ADGRB3: variants seen among roughly 807,000 people sequenced by gnomAD.
ADGRB3 encodes adhesion G protein-coupled receptor B3.
ADGRB3 carries 37 observed loss-of-function variants against 193.4 expected under a neutral mutation model. The ratio of observed to expected loss-of-function variants is 0.19; its 90% CI spans 0.15 to 0.25. The LOEUF is 0.25. Ranked by LOEUF, ADGRB3 falls within the 10% of genes least tolerant of loss-of-function variation. The pLI, the probability that ADGRB3 is intolerant of heterozygous loss-of-function variation, is 1.00. For synonymous variants in ADGRB3, 690 were observed against 644.2 expected (o/e 1.07, Z -1.08); for missense variants, 1,637 against 1,852.9 (o/e 0.88, Z 2.14).
Position 69,333,086 on chromosome 6 carries a change from G to C in ADGRB3, c.3188+78G>C. 2.1e-6 allele frequency: 3 copies of C among 1,463,026 alleles called. No individual in the cohort carries two copies. The South Asian group carries it at 3.7e-5, about 18-fold the overall frequency. 90.6% of individuals were successfully genotyped at this position (1,463,026 alleles called of 1,614,324 possible). A position where few individuals can be genotyped will look rare whatever the true frequency, so the allele number is the denominator to read the frequency against. On this transcript the variant is annotated intron_variant, in intron 24 of 31. Transcript: ENST00000370598. ...CCAATTTCAGACCATCACTGACTGC[G>C]TTTGACTCTGCCTTGAATTTTGTTA...
intron 7 of ADGRB3, 91 bp from the exon 8 acceptor site, chr6:68,956,554 A>G (rs1393743158): frequency 6.7e-7 from 1 of 1,485,302 alleles, no homozygotes; most frequent in South Asian, 1.2e-5. Flanking sequence ...GATTAACAAA[A>G]ATGGAAGGGG....
intron 10 of ADGRB3, among the ~76,000 whole-genome samples, chr6:68,984,947 TG>T (rs1769028893): frequency 1.3e-5 from 2 of 150,926 alleles, no homozygotes; most frequent in Admixed American, 6.6e-5. Context: ...TAGCTAAGAG[TG>T]AGGATTTAGG....
At chr6:68,776,579 T>C (rs1023853596) in intron 3 of ADGRB3, among the ~76,000 whole-genome samples, 5 of 152,168 alleles carry the variant, frequency 3.3e-5, no homozygotes, top group African/African-American at 1.2e-4. Flanking sequence ...AGAAGCCTGC[T>C]AACTGACATT....
At chr6:69,116,372 C>G (rs879517657) in intron 17 of ADGRB3, among the ~76,000 whole-genome samples, 1 of 152,180 alleles carries the variant, frequency 6.6e-6, no homozygotes, top group Admixed American at 6.5e-5. Flanking sequence ...CACCTGTTTT[C>G]ACCCCTAACC....
chr6:68,809,297 A>G (rs1767466422), intron 3 of ADGRB3, among the ~76,000 whole-genome samples: 1 of 152,210 alleles, frequency 6.6e-6, no homozygotes, highest in Non-Finnish European at 1.5e-5. Context: ...AAGTAATAAA[A>G]TAATTAAGGT....
Position 68,986,483 on chromosome 6 carries a change from A to C in ADGRB3, c.1735-7285A>C, listed in dbSNP as rs192833593. Among the ~76,000 whole-genome samples the C allele has an allele frequency of 3.3e-5, 5 of 152,310 alleles. No individual in the cohort carries two copies. The East Asian group carries it at 7.7e-4, about 23-fold the overall frequency. ...TCTGAGATGAACACAAACTCTTCGT[A>C]TCAAACATAGGGAAAATTAAGAAAT... On this transcript the variant is annotated intron_variant, in intron 10 of 31. Coordinates refer to ENST00000370598, the MANE Select transcript of ADGRB3 (RefSeq NM_001704.3).
intron 13 of ADGRB3, among the ~76,000 whole-genome samples, chr6:69,040,472 A>G (rs1321861370): frequency 1.3e-5 from 2 of 151,462 alleles, no homozygotes; most frequent in African/African-American, 4.9e-5. Context: ...GCATGCCAAT[A>G]AAACTTACAA....
chr6:69,159,529 A>G (rs1677822471), intron 17 of ADGRB3, among the ~76,000 whole-genome samples: 1 of 152,164 alleles, frequency 6.6e-6, no homozygotes, highest in Non-Finnish European at 1.5e-5. Context: ...CTAGTTGGAA[A>G]GAGAAATAAG....
intron 13 of ADGRB3, among the ~76,000 whole-genome samples, chr6:69,034,960 T>G (rs918566778): frequency 6.6e-6 from 1 of 152,094 alleles, no homozygotes; most frequent in Non-Finnish European, 1.5e-5. Context: ...ACCAAAATTA[T>G]TTTCTGAACT....
intron 13 of ADGRB3, among the ~76,000 whole-genome samples, chr6:69,031,022 T>G (rs1388074978): frequency 2.0e-5 from 2 of 97,742 alleles, no homozygotes; most frequent in African/African-American, 4.3e-5. Context: ...TTTCTTTTTT[T>G]TTTCCTCTTC....
intron 5 of ADGRB3, 38 bp from the exon 6 acceptor site, chr6:68,943,792 T>A: frequency 6.6e-7 from 1 of 1,526,164 alleles, no homozygotes; most frequent in Non-Finnish European, 8.9e-7. Context: ...ATTTTACTGC[T>A]CTGCTTTTGT....
intron 3 of ADGRB3, among the ~76,000 whole-genome samples, chr6:68,772,887 AAAAAAAAAT>A (rs1220237441): frequency 6.4e-3 from 307 of 48,216 alleles, no homozygotes; most frequent in East Asian, 0.039. Flanking sequence ...ACAAACAAAA[AAAAAAAAAT>A]ATATATATAT....
intron 11 of ADGRB3, among the ~76,000 whole-genome samples, chr6:69,008,395 G>T (rs183696026): frequency 6.6e-6 from 1 of 152,176 alleles, no homozygotes; most frequent in African/African-American, 2.4e-5. Flanking sequence ...ACCTTTCCTC[G>T]TTTTTTCATT....
intron 3 of ADGRB3, among the ~76,000 whole-genome samples, chr6:68,706,701 G>T (rs1765330754): frequency 6.6e-6 from 1 of 152,172 alleles, no homozygotes; most frequent in African/African-American, 2.4e-5. Context: ...GAATAAGTTT[G>T]GGACTTAATG....
chr6:69,232,709 C>G (rs1186024150), intron 17 of ADGRB3: 2 of 1,269,756 alleles, frequency 1.6e-6, no homozygotes, highest in Non-Finnish European at 2.2e-6. Context: ...CTGCTGCTTC[C>G]CGTTTCCAGG....
chr6:68,984,579 G>T (rs1019224494), intron 10 of ADGRB3, among the ~76,000 whole-genome samples: 1 of 152,054 alleles, frequency 6.6e-6, no homozygotes, highest in Non-Finnish European at 1.5e-5. Flanking sequence ...AGAAGAATAG[G>T]GTAGTAGTTA....
intron 17 of ADGRB3, among the ~76,000 whole-genome samples, chr6:69,134,294 G>T (rs943632936): frequency 3.3e-5 from 5 of 151,932 alleles, no homozygotes; most frequent in Non-Finnish European, 5.9e-5. Context: ...TTTACTGAGG[G>T]TTCAGGGTAA....
chr6:69,155,234 G>A (rs542452546), intron 17 of ADGRB3, among the ~76,000 whole-genome samples: 6 of 152,230 alleles, frequency 3.9e-5, no homozygotes, highest in Admixed American at 6.5e-5. Flanking sequence ...ATTTCATGCC[G>A]TGACAATGTT....
At chr6:68,936,883 C>G (rs1767499647) in intron 5 of ADGRB3, among the ~76,000 whole-genome samples, 1 of 152,188 alleles carries the variant, frequency 6.6e-6, no homozygotes, top group Non-Finnish European at 1.5e-5. Flanking sequence ...GTAAATGGCT[C>G]CTTTCTTCAC....
Sources: gnomAD v4.1 joint callset for allele counts (sites outside exome capture counted in the v4.1 genomes callset) on GRCh38, gnomAD v4.1.1 for gene constraint, MANE v1.5 for transcripts, NCBI Gene and HGNC (gene_info 2026-07-23, HGNC 2026-07-21) for gene names.